GALNT13: variants seen among roughly 807,000 people sequenced by gnomAD.
The protein encoded by GALNT13 is polypeptide N-acetylgalactosaminyltransferase 13.
Under a neutral mutation model 64.2 loss-of-function variants are expected in GALNT13, and 28 were observed. That is an observed-to-expected ratio of 0.44 (90% confidence interval 0.32 to 0.60). The LOEUF (loss-of-function observed/expected upper bound fraction) is 0.60, where lower values mean the gene tolerates loss of function less well. Ranked by LOEUF, GALNT13 falls within the 20% of genes least tolerant of loss-of-function variation. The probability of loss-of-function intolerance (pLI) is 0.05; values close to 1 mark genes in which losing one functional copy is unlikely to be tolerated. For synonymous variants in GALNT13, 214 were observed against 224.6 expected, an observed-to-expected ratio of 0.95 and a Z score of 0.42; for missense variants, 577 against 669.8, an observed-to-expected ratio of 0.86 and a Z score of 1.53.
At chr2:153,963,727 CTCTCTGTGTG>C (rs767694407) in intron 3 of GALNT13, among the ~76,000 whole-genome samples, 55 of 96,740 alleles carry the variant, frequency 5.7e-4, no homozygotes, top group Middle Eastern at 0.01. Context: ...CTCTCTCTCT[CTCTCTGTGTG>C]TGTGTGTGTG....
At chr2:153,485,956 T>C in the GALNT13 span, among the ~76,000 whole-genome samples, 2 of 152,162 alleles carry the variant, frequency 1.3e-5, no homozygotes, top group Admixed American at 6.5e-5. Flanking sequence ...TGGTTTTTTT[T>C]CCAAGAGTCT....
At chr2:154,078,550 A>G (rs1164199558) in intron 3 of GALNT13, among the ~76,000 whole-genome samples, 1 of 151,500 alleles carries the variant, frequency 6.6e-6, no homozygotes, top group Non-Finnish European at 1.5e-5. Context: ...TTCAAAGTTG[A>G]CAGACCATGG....
chr2:153,409,302 A>G, the GALNT13 span, among the ~76,000 whole-genome samples: 1 of 148,914 alleles, frequency 6.7e-6, no homozygotes, highest in Non-Finnish European at 1.5e-5. Context: ...ATGTATGTAT[A>G]TATATATATG....
At chr2:153,858,105 ATTAGGT>A in the GALNT13 span, among the ~76,000 whole-genome samples, 1 of 152,320 alleles carries the variant, frequency 6.6e-6, no homozygotes, top group South Asian at 2.1e-4. Flanking sequence ...CAAGGTATAA[ATTAGGT>A]GATCTTAAAT....
At chr2:153,399,252 C>A in the GALNT13 span, among the ~76,000 whole-genome samples, 1 of 151,640 alleles carries the variant, frequency 6.6e-6, no homozygotes, top group Non-Finnish European at 1.5e-5. Flanking sequence ...GGCGTTATTT[C>A]TGAGGGCTCT....
chr2:154,038,776 T>G (rs1244339216), intron 3 of GALNT13, among the ~76,000 whole-genome samples: 2 of 151,948 alleles, frequency 1.3e-5, no homozygotes, highest in African/African-American at 4.8e-5. Flanking sequence ...CATTATAAGC[T>G]AAAAACCTTC....
chr2:153,343,980 T>TG, the GALNT13 span, among the ~76,000 whole-genome samples: 1 of 152,144 alleles, frequency 6.6e-6, no homozygotes, highest in African/African-American at 2.4e-5. Context: ...TATTATCTTA[T>TG]GTCATTATAT....
At chr2:153,543,352 A>T in the GALNT13 span, among the ~76,000 whole-genome samples, 1 of 152,246 alleles carries the variant, frequency 6.6e-6, no homozygotes, top group African/African-American at 2.4e-5. Flanking sequence ...CCCTGTGACC[A>T]GCCCATTTAG....
chr2:153,342,092 CTTTTG>C, the GALNT13 span, among the ~76,000 whole-genome samples: 1 of 152,118 alleles, frequency 6.6e-6, no homozygotes, highest in African/African-American at 2.4e-5. Context: ...GGAGTTTAGA[CTTTTG>C]TTTTTATCAA....
At chr2:153,586,209 CT>C in the GALNT13 span, among the ~76,000 whole-genome samples, 1 of 152,066 alleles carries the variant, frequency 6.6e-6, no homozygotes, top group Non-Finnish European at 1.5e-5. Flanking sequence ...CAATATTCAC[CT>C]TGAATATAAA....
intron 9 of GALNT13, among the ~76,000 whole-genome samples, chr2:154,334,237 T>G (rs936433080): frequency 6.6e-6 from 1 of 152,046 alleles, no homozygotes; most frequent in Non-Finnish European, 1.5e-5. Context: ...TAGGCTAATC[T>G]CAAACTTTTG....
At chr2:153,506,827 AC>A in the GALNT13 span, among the ~76,000 whole-genome samples, 1 of 152,150 alleles carries the variant, frequency 6.6e-6, no homozygotes, top group Admixed American at 6.5e-5. Flanking sequence ...TAGGCAATGA[AC>A]TTTTTGTGAT....
At chr2:153,738,535 A>G in the GALNT13 span, among the ~76,000 whole-genome samples, 1 of 151,976 alleles carries the variant, frequency 6.6e-6, no homozygotes, top group Non-Finnish European at 1.5e-5. Context: ...CACAATAGAC[A>G]ATGAGCTTTT....
intron 3 of GALNT13, among the ~76,000 whole-genome samples, chr2:153,991,086 A>C (rs1468751498): frequency 6.6e-6 from 1 of 152,224 alleles, no homozygotes; most frequent in African/African-American, 2.4e-5. Context: ...TTTATACAAA[A>C]TCACCCTTAG....
the GALNT13 span, among the ~76,000 whole-genome samples, chr2:153,152,724 C>T: frequency 6.6e-6 from 1 of 152,120 alleles, no homozygotes; most frequent in Non-Finnish European, 1.5e-5. Flanking sequence ...CATGTTCCTG[C>T]AAAGGATATG....
the GALNT13 span, among the ~76,000 whole-genome samples, chr2:153,611,836 C>T: frequency 6.6e-6 from 1 of 151,828 alleles, no homozygotes; most frequent in Non-Finnish European, 1.5e-5. Flanking sequence ...AGGTATTTGT[C>T]CTAGTGCTCT....
intron 4 of GALNT13, among the ~76,000 whole-genome samples, chr2:154,162,475 G>A (rs1373874437): frequency 6.6e-6 from 1 of 152,172 alleles, no homozygotes; most frequent in African/African-American, 2.4e-5. Context: ...GACATGAGAT[G>A]TACATGAGAT....
At chr2:153,763,458 A>G in the GALNT13 span, among the ~76,000 whole-genome samples, 1 of 152,158 alleles carries the variant, frequency 6.6e-6, no homozygotes, top group Non-Finnish European at 1.5e-5. Context: ...TTGTCACGAT[A>G]GTGAATAAGT....
intron 4 of GALNT13, among the ~76,000 whole-genome samples, chr2:154,164,414 A>G (rs1272157513): frequency 6.6e-6 from 1 of 152,142 alleles, no homozygotes; most frequent in Non-Finnish European, 1.5e-5. Flanking sequence ...AAATTCTTCA[A>G]ATATTTATAA....
Sources: allele counts gnomAD v4.1 joint callset (sites outside exome capture counted in the v4.1 genomes callset), GRCh38; gene constraint gnomAD v4.1.1; transcripts MANE v1.5; gene names NCBI Gene and HGNC (gene_info 2026-07-23, HGNC 2026-07-21).